LDB2: variants seen among roughly 807,000 people sequenced by gnomAD.
LDB2 encodes the protein LIM domain binding 2.
A neutral mutation model predicts 44.3 loss-of-function variants in LDB2; 12 were observed. The observed-to-expected ratio is 0.27, with a 90% confidence interval of 0.17 to 0.44. The LOEUF is 0.44. Ranked by LOEUF, LDB2 falls within the 20% of genes least tolerant of loss-of-function variation. The probability of loss-of-function intolerance (pLI) is 1.00; values close to 1 mark genes in which losing one functional copy is unlikely to be tolerated. For synonymous variants in LDB2, 164 were observed against 174.8 expected (o/e 0.94, Z 0.49); for missense variants, 344 against 473.5 (o/e 0.73, Z 2.54).
intron 5 of LDB2, among the ~76,000 whole-genome samples, chr4:16,547,081 G>A (rs956862451): frequency 1.3e-5 from 2 of 152,158 alleles, no homozygotes; most frequent in Admixed American, 6.5e-5. Context: ...GGGATCTCTA[G>A]ATGATATAAT....
intron 1 of LDB2, among the ~76,000 whole-genome samples, chr4:16,891,070 C>T (rs1723214693): frequency 6.6e-6 from 1 of 151,882 alleles, no homozygotes; most frequent in African/African-American, 2.4e-5. Context: ...ATTTAATTTC[C>T]TAACATTTAT....
chr4:16,847,773 T>G (rs1030047393), intron 1 of LDB2, among the ~76,000 whole-genome samples: 1 of 152,170 alleles, frequency 6.6e-6, no homozygotes, highest in Non-Finnish European at 1.5e-5. Context: ...CCCGCCACAG[T>G]GCCCAGCTAA....
chr4:16,594,152 C>A (rs1578079118), intron 3 of LDB2, among the ~76,000 whole-genome samples: 1 of 148,532 alleles, frequency 6.7e-6, no homozygotes, highest in Non-Finnish European at 1.5e-5. Context: ...CTAAAAATAA[C>A]ATTAAGCCTA....
intron 1 of LDB2, among the ~76,000 whole-genome samples, chr4:16,762,218 A>G (rs1768086003): frequency 6.6e-6 from 1 of 152,076 alleles, no homozygotes; most frequent in Admixed American, 6.5e-5. Flanking sequence ...AACTTTATAA[A>G]ATAGTCTGTT....
intron 1 of LDB2, among the ~76,000 whole-genome samples, chr4:16,842,241 G>A (rs1177811150): frequency 3.3e-5 from 5 of 152,096 alleles, no homozygotes; most frequent in African/African-American, 4.8e-5. Flanking sequence ...TACCTCCGAA[G>A]TGCAAATTAC....
intron 3 of LDB2, among the ~76,000 whole-genome samples, chr4:16,592,617 TAAG>T (rs1477537578): frequency 6.6e-6 from 1 of 151,240 alleles, no homozygotes; most frequent in African/African-American, 2.4e-5. Context: ...CAGGCTAAGG[TAAG>T]AAGGATGAAC....
At chr4:16,595,965 G>A (rs907672363) in intron 2 of LDB2, 90 bp from the exon 3 acceptor site, 10 of 1,285,516 alleles carry the variant, frequency 7.8e-6, no homozygotes, top group Admixed American at 6.6e-5. Flanking sequence ...TCCTAAAACC[G>A]GATACTGATC....
intron 2 of LDB2, among the ~76,000 whole-genome samples, chr4:16,744,678 G>A (rs182820411): frequency 0.016 from 2,506 of 152,132 alleles, 34 homozygotes; most frequent in South Asian, 0.063. Context: ...GGGTTTCACC[G>A]TGTTAGCCAG....
At chr4:16,776,679 T>C (rs1771980479) in intron 1 of LDB2, among the ~76,000 whole-genome samples, 1 of 152,220 alleles carries the variant, frequency 6.6e-6, no homozygotes, top group South Asian at 2.1e-4. Flanking sequence ...TACTAGCGGA[T>C]GACAAATAAT....
At chr4:16,845,935 C>T (rs1348135138) in intron 1 of LDB2, among the ~76,000 whole-genome samples, 3 of 151,864 alleles carry the variant, frequency 2.0e-5, no homozygotes, top group Non-Finnish European at 4.4e-5. Flanking sequence ...TGGAGAAACC[C>T]CATCTCTACC....
rs867700142 is a variant in LDB2, at chr4:16,670,535, T to C, written c.236-74660A>G. On this transcript the variant is annotated intron_variant, in intron 2 of 7. Transcript: ENST00000304523. The stretch of plus-strand genomic sequence containing the variant: ...ACAGTCAACACACTAATAGCAATAG[T>C]TAAGTTCCAAAGTTTAGAACTAGTT... Among the ~76,000 whole-genome samples, 6 of 152,344 alleles carry C rather than the reference T, an allele frequency of 3.9e-5. No individual in the cohort carries two copies. The South Asian group carries it at 6.2e-4, about 16-fold the overall frequency.
intron 5 of LDB2, among the ~76,000 whole-genome samples, chr4:16,566,182 T>C (rs536929482): frequency 6.6e-6 from 1 of 152,220 alleles, no homozygotes; most frequent in African/African-American, 2.4e-5. Flanking sequence ...GATAATCTGA[T>C]TCCAAAGTTC....
chr4:16,554,009 C>T (rs1156882812), intron 5 of LDB2, among the ~76,000 whole-genome samples: 4 of 152,084 alleles, frequency 2.6e-5, no homozygotes, highest in African/African-American at 7.2e-5. Flanking sequence ...TCTCTCTCTT[C>T]CCCCTGACAT....
intron 1 of LDB2, among the ~76,000 whole-genome samples, chr4:16,801,987 C>G (rs1384365396): frequency 6.6e-6 from 1 of 152,232 alleles, no homozygotes; most frequent in East Asian, 1.9e-4. Flanking sequence ...TGAGTTTTAG[C>G]TCTCTCTTTC....
At chr4:16,801,647 A>C (rs1777849601) in intron 1 of LDB2, among the ~76,000 whole-genome samples, 1 of 152,264 alleles carries the variant, frequency 6.6e-6, no homozygotes. Context: ...ACATTATTCA[A>C]TAGTGCAACA....
intron 1 of LDB2, among the ~76,000 whole-genome samples, chr4:16,818,854 A>G (rs1469413124): frequency 6.6e-6 from 1 of 152,224 alleles, no homozygotes. Flanking sequence ...ATTTCAAGAC[A>G]GGGTTACTTG....
At chr4:16,852,012 A>G (rs977270359) in intron 1 of LDB2, among the ~76,000 whole-genome samples, 4 of 152,246 alleles carry the variant, frequency 2.6e-5, no homozygotes, top group Non-Finnish European at 4.4e-5. Flanking sequence ...GTAGTGACCC[A>G]GCTTGATTTC....
chr4:16,812,491 G>A (rs958264652), intron 1 of LDB2, among the ~76,000 whole-genome samples: 4 of 150,922 alleles, frequency 2.7e-5, no homozygotes, highest in Non-Finnish European at 4.4e-5. Context: ...CTTCTCTGAC[G>A]CAGGGTTTAA....
At chr4:16,522,274 GTT>G (rs1491511438) in intron 5 of LDB2, among the ~76,000 whole-genome samples, 7 of 137,158 alleles carry the variant, frequency 5.1e-5, no homozygotes, top group Non-Finnish European at 1.1e-4. Flanking sequence ...GTGTGTGTGT[GTT>G]TGTGTGTGTG....
Sources: allele counts gnomAD v4.1 joint callset (sites outside exome capture counted in the v4.1 genomes callset), GRCh38; gene constraint gnomAD v4.1.1; transcripts MANE v1.5; gene names NCBI Gene and HGNC (gene_info 2026-07-23, HGNC 2026-07-21).